TCF4: variants seen among roughly 807,000 people sequenced by gnomAD.
TCF4 encodes SL3-3 enhancer factor 2.
Under a neutral mutation model 82.1 loss-of-function variants are expected in TCF4, and 3 were observed. The observed-to-expected ratio is 0.04, with a 90% CI of 0.02 to 0.09. The LOEUF is 0.09. TCF4 is among the 10% of genes least tolerant of loss of function. The probability of loss-of-function intolerance (pLI) is 1.00; values close to 1 mark genes in which losing one functional copy is unlikely to be tolerated. For synonymous variants in TCF4, 276 were observed against 309.6 expected, an observed-to-expected ratio of 0.89 and a Z score of 1.14; for missense variants, 518 against 852.7, an observed-to-expected ratio of 0.61 and a Z score of 4.89.
At chr18:55,437,563 A>T (rs965545955) in intron 5 of TCF4, among the ~76,000 whole-genome samples, 3 of 152,206 alleles carry the variant, frequency 2.0e-5, no homozygotes, top group Non-Finnish European at 4.4e-5. Context: ...AAAGGATTTA[A>T]AAATAAGTAT....
At chr18:55,399,090 G>A (rs1034106645) in intron 6 of TCF4, among the ~76,000 whole-genome samples, 8 of 152,130 alleles carry the variant, frequency 5.3e-5, no homozygotes, top group African/African-American at 1.9e-4. Context: ...AATTTTGTAC[G>A]GTTTTCACTT....
chr18:55,342,463 T>C (rs920527278), intron 8 of TCF4, among the ~76,000 whole-genome samples: 1 of 152,150 alleles, frequency 6.6e-6, no homozygotes, highest in African/African-American at 2.4e-5. Flanking sequence ...GAATTTATTT[T>C]ATGTAACAAT....
chr18:55,303,647 C>T (rs1487882417), intron 8 of TCF4, among the ~76,000 whole-genome samples: 1 of 151,386 alleles, frequency 6.6e-6, no homozygotes, highest in African/African-American at 2.4e-5. Flanking sequence ...GACAACAGTG[C>T]AATAAAAAAA....
chr18:55,353,519 T>C (rs989038002), intron 6 of TCF4, among the ~76,000 whole-genome samples: 1 of 152,212 alleles, frequency 6.6e-6, no homozygotes, highest in Non-Finnish European at 1.5e-5. Flanking sequence ...AGAATCATTC[T>C]TCTAAAGCAA....
intron 5 of TCF4, among the ~76,000 whole-genome samples, chr18:55,429,266 T>C (rs2095100464): frequency 6.6e-6 from 1 of 152,192 alleles, no homozygotes; most frequent in African/African-American, 2.4e-5. Flanking sequence ...AGAAATTTCA[T>C]GGAGTCTTCT....
At chr18:55,260,778 T>C (rs1014225728) in intron 12 of TCF4, among the ~76,000 whole-genome samples, 2 of 152,138 alleles carry the variant, frequency 1.3e-5, no homozygotes, top group African/African-American at 2.4e-5. Context: ...CAGGCTAGTC[T>C]TGAACTCCTG....
chr18:55,237,223 A>G (rs2049740647), intron 15 of TCF4, among the ~76,000 whole-genome samples: 1 of 152,182 alleles, frequency 6.6e-6, no homozygotes, highest in Non-Finnish European at 1.5e-5. Flanking sequence ...AACTCAAGCT[A>G]TCTTCAGTTA....
chr18:55,256,969 A>G (rs886528304), intron 14 of TCF4, among the ~76,000 whole-genome samples: 2 of 152,190 alleles, frequency 1.3e-5, no homozygotes, highest in African/African-American at 4.8e-5. Flanking sequence ...CAAATGTTCC[A>G]GGTATAGGAC....
At chr18:55,518,541 C>T (rs1394279625) in intron 3 of TCF4, among the ~76,000 whole-genome samples, 1 of 151,994 alleles carries the variant, frequency 6.6e-6, no homozygotes, top group Non-Finnish European at 1.5e-5. Flanking sequence ...GAAAAAATGA[C>T]ACAGAAAAAG....
At chr18:55,331,183 T>A (rs2147764582) in intron 8 of TCF4, among the ~76,000 whole-genome samples, 1 of 151,998 alleles carries the variant, frequency 6.6e-6, no homozygotes. Context: ...CCCTGTGATT[T>A]TCAGGGAAGA....
intron 3 of TCF4, among the ~76,000 whole-genome samples, chr18:55,473,990 C>A (rs1271355256): frequency 6.6e-6 from 1 of 152,150 alleles, no homozygotes; most frequent in Non-Finnish European, 1.5e-5. Context: ...CACAGCAGAA[C>A]ACGCAGTTCC....
At chr18:55,401,644 G>A (rs1282841500) in intron 6 of TCF4, 35 of 988,860 alleles carry the variant, frequency 3.5e-5, no homozygotes, top group African/African-American at 5.2e-5. Flanking sequence ...CCCCACAAAC[G>A]GAGAAAGGAG....
intron 3 of TCF4, among the ~76,000 whole-genome samples, chr18:55,512,125 C>A (rs1275819686): frequency 1.3e-5 from 2 of 152,142 alleles, no homozygotes. Context: ...TTGGCACAGC[C>A]TTCCTAGATA....
At chr18:55,496,380 C>A (rs1341224797) in intron 3 of TCF4, 1 of 150,452 alleles carries the variant, frequency 6.6e-6, no homozygotes, top group Non-Finnish European at 1.5e-5. Flanking sequence ...TATTCAATAC[C>A]TATGTGTTCC....
At chr18:55,365,020 G>A (rs900458806) in intron 6 of TCF4, among the ~76,000 whole-genome samples, 1 of 150,924 alleles carries the variant, frequency 6.6e-6, no homozygotes, top group Non-Finnish European at 1.5e-5. Flanking sequence ...CGGTGTGGTG[G>A]CATGCACCTG....
intron 6 of TCF4, among the ~76,000 whole-genome samples, chr18:55,394,275 C>T (rs1429081800): frequency 6.6e-6 from 1 of 152,144 alleles, no homozygotes; most frequent in African/African-American, 2.4e-5. Flanking sequence ...CAGAGACCCC[C>T]CCATGTACAG....
chr18:55,500,388 A>T (rs905224170), intron 3 of TCF4, among the ~76,000 whole-genome samples: 3 of 152,180 alleles, frequency 2.0e-5, no homozygotes, highest in African/African-American at 4.8e-5. Context: ...AATAAAGAGA[A>T]AAGAAATTTA....
chr18:55,286,502 C>T (rs559165390), intron 8 of TCF4, among the ~76,000 whole-genome samples: 33 of 152,316 alleles, frequency 2.2e-4, no homozygotes, highest in Non-Finnish European at 4.0e-4. Context: ...TGCCAGTTCT[C>T]TTAGCATTCT....
intron 3 of TCF4, among the ~76,000 whole-genome samples, chr18:55,512,566 A>G (rs2146315943): frequency 6.6e-6 from 1 of 152,212 alleles, no homozygotes; most frequent in South Asian, 2.1e-4. Context: ...ATATAGCTGT[A>G]TATATATGTG....
Sources: allele counts gnomAD v4.1 joint callset (sites outside exome capture counted in the v4.1 genomes callset), GRCh38; gene constraint gnomAD v4.1.1; transcripts MANE v1.5; gene names NCBI Gene and HGNC (gene_info 2026-07-23, HGNC 2026-07-21).